Variants in MTMR9 observed in about 807,000 individuals in gnomAD.
MTMR9 encodes myotubularin-related protein 9.
Under a neutral mutation model 69.5 loss-of-function variants are expected in MTMR9, and 39 were observed. The observed-to-expected ratio is 0.56, with a 90% CI of 0.43 to 0.73. The LOEUF (loss-of-function observed/expected upper bound fraction) is 0.73, where lower values mean the gene tolerates loss of function less well. Ranked by LOEUF, MTMR9 falls within the 30% of genes least tolerant of loss-of-function variation. MTMR9 has a pLI of 0.00. For synonymous variants in MTMR9, 354 were observed against 240.8 expected, an observed-to-expected ratio of 1.47 and a Z score of -4.35; for missense variants, 900 against 671.2, an observed-to-expected ratio of 1.34 and a Z score of -3.77.
At chr8:11,315,595 G>T (rs1161503727) in intron 7 of MTMR9, among the ~76,000 whole-genome samples, 1 of 152,126 alleles carries the variant, frequency 6.6e-6, no homozygotes, top group Non-Finnish European at 1.5e-5. Context: ...GTGTAAGCTG[G>T]TAAATAATTG....
At chr8:11,310,860 T>C (rs1262515387) in intron 6 of MTMR9, among the ~76,000 whole-genome samples, 1 of 152,148 alleles carries the variant, frequency 6.6e-6, no homozygotes, top group East Asian at 1.9e-4. Flanking sequence ...GATTAAGACA[T>C]CCCTCAGTGC....
At chr8:11,316,634 C>A (rs1172132423) in intron 7 of MTMR9, 39 bp from the exon 8 acceptor site, 2 of 1,414,070 alleles carry the variant, frequency 1.4e-6, no homozygotes, top group South Asian at 1.4e-5. Context: ...CATGTGATCT[C>A]ACCAGGATAT....
At chr8:11,285,666 G>A (rs1345719617) in intron 1 of MTMR9, among the ~76,000 whole-genome samples, 1 of 152,120 alleles carries the variant, frequency 6.6e-6, no homozygotes, top group Non-Finnish European at 1.5e-5. Flanking sequence ...GGCTCTCAAG[G>A]AAAGGCATGG....
At chr8:11,308,411 G>C (rs925772700) in intron 5 of MTMR9, among the ~76,000 whole-genome samples, 4 of 152,174 alleles carry the variant, frequency 2.6e-5, no homozygotes, top group African/African-American at 7.2e-5. Context: ...TTTTATGCCA[G>C]TGCCAAGCTG....
In MTMR9 at chr8:11,300,038, G is replaced by A. The variant is rs772183374; in HGVS notation, c.307G>A (p.Asp103Asn). Reference protein sequence around the residue: ...ASSIEALSTLDSITLMYPFFY... With the variant: ...ASSIEALSTLNSITLMYPFFY... ...TTGCCCCCAGGCATTGTCTACTCTGGACTCCATCACTCTGATGTACCCTTT... is the reference window on the plus strand; with the variant it reads ...TTGCCCCCAGGCATTGTCTACTCTGAACTCCATCACTCTGATGTACCCTTT... The change falls in exon 3 of 10, where the codon GAC becomes AAC. Residue 103 changes from aspartate to asparagine, a missense_variant. By Grantham distance (23) the Asp-to-Asn change is conservative. Coordinates refer to ENST00000221086, the MANE Select transcript of MTMR9 (RefSeq NM_015458.4). The A allele has an allele frequency of 6.2e-7, 1 of 1,612,954 alleles. No individual in the cohort carries two copies. The highest frequency in any genetic ancestry group is 1.1e-5 in the South Asian group (1 of 90,990).
intron 2 of MTMR9, among the ~76,000 whole-genome samples, chr8:11,296,358 C>T (rs1294931512): frequency 6.6e-6 from 1 of 152,144 alleles, no homozygotes; most frequent in African/African-American, 2.4e-5. Context: ...GGTCCTCTGT[C>T]ATTACTTACT....
intron 3 of MTMR9, among the ~76,000 whole-genome samples, 186 bp from the exon 4 acceptor site, chr8:11,304,655 G>A (rs537550307): frequency 6.6e-6 from 1 of 152,126 alleles, no homozygotes; most frequent in Non-Finnish European, 1.5e-5. Flanking sequence ...CAGGAAGCTG[G>A]CCCTGAACCA....
chr8:11,322,106 T>A (rs1377171831), intron 9 of MTMR9, among the ~76,000 whole-genome samples: 2 of 152,140 alleles, frequency 1.3e-5, no homozygotes, highest in East Asian at 3.9e-4. Flanking sequence ...GCCTCTCAAG[T>A]AACAGGGAGA....
chr8:11,331,925 G>C, downstream of MTMR9: 3 of 1,611,982 alleles, frequency 1.9e-6, no homozygotes, highest in South Asian at 1.1e-5. Flanking sequence ...TGGGCTATGC[G>C]GTCACCAAGG....
At chr8:11,302,780 T>C (rs1208309012) in intron 3 of MTMR9, among the ~76,000 whole-genome samples, 2 of 152,166 alleles carry the variant, frequency 1.3e-5, no homozygotes, top group Non-Finnish European at 2.9e-5. Flanking sequence ...TTATTGATTA[T>C]ATGCTTGTCT....
At chr8:11,285,914 A>T (rs185849165) in intron 1 of MTMR9, among the ~76,000 whole-genome samples, 1 of 149,208 alleles carries the variant, frequency 6.7e-6, no homozygotes, top group Non-Finnish European at 1.5e-5. Flanking sequence ...CGTACAGAGG[A>T]TATGCCTTAA....
chr8:11,313,681 A>T (rs1203549242), intron 6 of MTMR9, among the ~76,000 whole-genome samples: 1 of 152,224 alleles, frequency 6.6e-6, no homozygotes, highest in Non-Finnish European at 1.5e-5. Context: ...TCAAAGGAAC[A>T]GCTGGTTAGT....
intron 3 of MTMR9, among the ~76,000 whole-genome samples, chr8:11,301,967 A>T (rs997947527): frequency 6.6e-6 from 1 of 152,238 alleles, no homozygotes; most frequent in African/African-American, 2.4e-5. Context: ...AGGATAAAAG[A>T]TGATAGAGGC....
At chr8:11,295,580 A>G (rs1799526251) in intron 2 of MTMR9, among the ~76,000 whole-genome samples, 1 of 152,194 alleles carries the variant, frequency 6.6e-6, no homozygotes, top group African/African-American at 2.4e-5. Context: ...CCATGAGTTC[A>G]TATTGGTTAA....
At chr8:11,308,999 T>A (rs1307504406) in intron 5 of MTMR9, among the ~76,000 whole-genome samples, 2 of 152,186 alleles carry the variant, frequency 1.3e-5, no homozygotes, top group African/African-American at 4.8e-5. Flanking sequence ...CTTTAGAGAT[T>A]TAATTTCTCC....
intron 8 of MTMR9, chr8:11,318,008 A>G (rs542321349): frequency 6.6e-6 from 1 of 152,208 alleles, no homozygotes; most frequent in Admixed American, 6.5e-5. Context: ...CCCCACTTAG[A>G]AGGGAGGATT....
In MTMR9 at chr8:11,326,210, G is replaced by C. The variant is rs1800922667; in HGVS notation, c.*3422G>C. ...TAACTCGTGTAGTTGTCTGGTTTCA[G>C]GGATAGCTGTTTGAATTGTCATTCT... On this transcript the variant is annotated 3_prime_UTR_variant, in exon 10 of 10. Transcript: ENST00000221086. The C allele has an allele frequency of 6.6e-6, 1 of 152,126 alleles. No homozygotes were observed. The highest frequency in any genetic ancestry group is 2.1e-4 in the South Asian group (1 of 4,800). The allele number at this position is 152,126 out of a possible 1,614,324, so 9.4% of individuals were successfully genotyped here.
chr8:11,298,611 G>C (rs4410870), intron 2 of MTMR9: 190,764 of 298,126 alleles, frequency 0.64, 63,899 homozygotes, highest in East Asian at 1. Context: ...AGGGAGATAA[G>C]TGCATTCTGA....
In MTMR9 at chr8:11,316,767, G is replaced by A. The variant is rs1171535285; in HGVS notation, c.1208G>A (p.Cys403Tyr). Residue 403 changes from cysteine (C) to tyrosine (Y), a missense_variant, in exon 8 of 10, where the codon TGC becomes TAC. Coordinates refer to ENST00000221086, the MANE Select transcript of MTMR9 (RefSeq NM_015458.4). ...EAPVFLLFLD[C>Y]VWQILRQFPC... ...CCTGTATTTCTTCTCTTCTTGGACT[G>A]CGTGTGGCAGATCCTTCGTCAGTTT... 1 of 1,613,868 alleles carries A rather than the reference G, an allele frequency of 6.2e-7. No individual in the cohort carries two copies. The highest frequency in any genetic ancestry group is 1.1e-5 in the South Asian group (1 of 91,060).
Sources: gnomAD v4.1 joint callset for allele counts (sites outside exome capture counted in the v4.1 genomes callset) on GRCh38, gnomAD v4.1.1 for gene constraint, MANE v1.5 for transcripts, NCBI Gene and HGNC (gene_info 2026-07-23, HGNC 2026-07-21) for gene names.